CAND1: variants seen among roughly 807,000 people sequenced by gnomAD.
The protein encoded by CAND1 is cullin-associated NEDD8-dissociated protein 1.
A neutral mutation model predicts 108.5 loss-of-function variants in CAND1; 7 were observed. The observed-to-expected ratio is 0.06, with a 90% CI of 0.04 to 0.12. CAND1 has a LOEUF of 0.12. Among genes scored for constraint, CAND1 ranks in the 10% least tolerant of loss-of-function variants. CAND1 has a pLI of 1.00. For synonymous variants in CAND1, 534 were observed against 512.0 expected (o/e 1.04, Z -0.58); for missense variants, 941 against 1,448.7 (o/e 0.65, Z 5.69).
At position 67,310,028 on chromosome 12, in the gene CAND1, T is replaced by C; in HGVS notation, c.3153T>C (p.His1051=). The C allele has an allele frequency of 1.2e-6, 2 of 1,612,378 alleles. No individual in the cohort carries two copies. The part of the protein sequence containing the change: ...IRDLLDTVLP[H]LYNETKVRKE... ...ATCTATTGGATACTGTTCTTCCACA[T>C]CTTTACAATGAAACAAAAGTTAGAA... Residue 1051 remains histidine, a synonymous_variant, in exon 12 of 15, where the codon CAT becomes CAC. Transcript: ENST00000545606.
chr12:67,270,001 G>T, intron 1 of CAND1: 2 of 512,682 alleles, frequency 3.9e-6, no homozygotes, highest in Non-Finnish European at 6.8e-6. Context: ...CTAGGCAGTT[G>T]CCCGCCGCGG....
rs2045015338 is a variant in CAND1, at chr12:67,317,215, C to G, written c.*4385C>G. On this transcript the variant is annotated 3_prime_UTR_variant, in exon 15 of 15. Transcript: ENST00000545606. ...TACATAGCACGAACATGGTTTACTG[C>G]ACCTCAGCTTCCTGGGCACAAGTGA... 1 of 152,248 alleles carries G rather than the reference C, an allele frequency of 6.6e-6. No homozygotes were observed. Among genetic ancestry groups the G allele is most frequent in the African/African-American group, 2.4e-5 (1 of 41,418 alleles). 9.4% of individuals were successfully genotyped at this position (152,248 alleles called of 1,614,324 possible).
At chr12:67,289,166 C>G (rs1038590169) in intron 2 of CAND1, among the ~76,000 whole-genome samples, 1 of 151,456 alleles carries the variant, frequency 6.6e-6, no homozygotes, top group African/African-American at 2.4e-5. Context: ...TAATTTCTGC[C>G]CTTTATTTTT....
intron 5 of CAND1, 38 bp from the exon 6 acceptor site, chr12:67,297,710 T>C (rs2044783296): frequency 1.3e-6 from 2 of 1,579,292 alleles, no homozygotes; most frequent in Admixed American, 1.8e-5. Flanking sequence ...TTAAAAAAAT[T>C]AATGCATGTT....
chr12:67,280,512 A>G (rs1210976755), intron 1 of CAND1, among the ~76,000 whole-genome samples: 1 of 152,190 alleles, frequency 6.6e-6, no homozygotes, highest in African/African-American at 2.4e-5. Context: ...TATTTTTACT[A>G]AAACTGTATC....
chr12:67,294,315 C>G (rs999722633), intron 3 of CAND1, among the ~76,000 whole-genome samples: 1 of 152,040 alleles, frequency 6.6e-6, no homozygotes, highest in Non-Finnish European at 1.5e-5. Context: ...TTTATGAGTC[C>G]TGGAACGAGG....
At chr12:67,302,058 C>G (rs2044830221) in intron 7 of CAND1, among the ~76,000 whole-genome samples, 2 of 152,112 alleles carry the variant, frequency 1.3e-5, no homozygotes, top group Admixed American at 6.5e-5. Flanking sequence ...AAATAAGCAG[C>G]AGTTCATTAC....
At chr12:67,278,239 C>T (rs1484577467) in intron 1 of CAND1, among the ~76,000 whole-genome samples, 4 of 152,086 alleles carry the variant, frequency 2.6e-5, no homozygotes, top group Admixed American at 1.3e-4. Flanking sequence ...CGGCTTCAAG[C>T]GACTGCCGCC....
intron 2 of CAND1, among the ~76,000 whole-genome samples, chr12:67,284,711 C>CACACACACAT (rs2044652148): frequency 1.1e-5 from 1 of 95,052 alleles, no homozygotes. Context: ...CATGTACACA[C>CACACACACAT]ACACACACAC....
rs1392134820 is a variant in CAND1, at chr12:67,305,137, C to T, written c.1469C>T (p.Ser490Leu). ...IIFSLNDKSS[S>L]SNLKIDALSC... Reference sequence around the variant, plus strand: ...TTCTCACTGAATGATAAATCAAGCTCATCGAATTTGAAGATCGATGCTTTG... The same window carrying T: ...TTCTCACTGAATGATAAATCAAGCTTATCGAATTTGAAGATCGATGCTTTG... Residue 490 changes from serine to leucine, a missense_variant, in exon 10 of 15, where the codon TCA becomes TTA. By Grantham distance (145) the Ser-to-Leu change is moderately radical. Coordinates refer to ENST00000545606, the MANE Select transcript of CAND1 (RefSeq NM_018448.5). This position sits in a 1 kb window ranked among gnomAD's most constrained non-coding sequence, Gnocchi z 4.4. 1 of 1,611,302 alleles carries T rather than the reference C, an allele frequency of 6.2e-7. No homozygotes were observed. Among genetic ancestry groups the T allele is most frequent in the South Asian group, 1.1e-5 (1 of 90,336 alleles).
At position 67,309,889 on chromosome 12, in the gene CAND1, G is replaced by A. The variant is rs1167957085; in HGVS notation, c.3026-12G>A. Reference sequence around the variant, plus strand: ...ATCATGTCTGTCTGTTGCTTTTCTTGTAATATTTCAGGTGATTTCCTAAAA... The same window carrying A: ...ATCATGTCTGTCTGTTGCTTTTCTTATAATATTTCAGGTGATTTCCTAAAA... On this transcript the variant is annotated splice_polypyrimidine_tract_variant and intron_variant, in intron 11 of 14. Coordinates refer to ENST00000545606, the MANE Select transcript of CAND1 (RefSeq NM_018448.5). 2.7e-5 allele frequency: 43 copies of A among 1,578,004 alleles called. No homozygotes were observed. The highest frequency in any genetic ancestry group is 3.3e-5 in the Non-Finnish European group (38 of 1,160,324).
intron 2 of CAND1, among the ~76,000 whole-genome samples, chr12:67,288,136 ATT>A (rs535157799): frequency 7.3e-4 from 99 of 135,728 alleles, no homozygotes; most frequent in African/African-American, 1.1e-3. Flanking sequence ...TCTTTTCTGA[ATT>A]TTTTTTTTTT....
At chr12:67,282,997 T>A (rs1452082220) in intron 2 of CAND1, among the ~76,000 whole-genome samples, 1 of 152,206 alleles carries the variant, frequency 6.6e-6, no homozygotes, top group African/African-American at 2.4e-5. Flanking sequence ...AATGTCAACT[T>A]TTAGAAACCC....
intron 2 of CAND1, among the ~76,000 whole-genome samples, chr12:67,291,951 G>A (rs995703318): frequency 3.3e-5 from 5 of 152,086 alleles, no homozygotes; most frequent in East Asian, 1.9e-4. Context: ...TGCAACCTCC[G>A]CCTCCTGGGT....
intron 2 of CAND1, among the ~76,000 whole-genome samples, chr12:67,288,848 G>A (rs977351726): frequency 6.6e-6 from 1 of 152,214 alleles, no homozygotes; most frequent in African/African-American, 2.4e-5. Flanking sequence ...GGGCTGAGAC[G>A]TGGCTTAGTG....
chr12:67,291,826 T>C (rs1484223896), intron 2 of CAND1, among the ~76,000 whole-genome samples: 1 of 152,186 alleles, frequency 6.6e-6, no homozygotes, highest in Non-Finnish European at 1.5e-5. Flanking sequence ...ACTTCCATTG[T>C]AGAAAAAACT....
In CAND1 at chr12:67,312,696, C is replaced by T. The variant is rs140637003; in HGVS notation, c.3559C>T (p.Pro1187Ser). 2,812 of 1,613,646 alleles carry T rather than the reference C, an allele frequency of 1.7e-3. 6 individuals are homozygous for T. Among genetic ancestry groups the T allele is most frequent in the Non-Finnish European group, 2.1e-3 (2,533 of 1,179,684 alleles). ...AGCAGTAGCAGCACTGCTAACCATT[C>T]CAGAAGCAGAGAAGAGTCCACTGAT... is the stretch of plus-strand genomic sequence containing the variant. ...MRAVAALLTI[P>S]EAEKSPLMSE... Residue 1187 changes from proline (P) to serine (S), a missense_variant, in exon 15 of 15, where the codon CCA becomes TCA. Coordinates refer to ENST00000545606, the MANE Select transcript of CAND1 (RefSeq NM_018448.5).
chr12:67,297,691 T>C, intron 5 of CAND1, 28 bp downstream of exon 5: 1 of 1,591,506 alleles, frequency 6.3e-7, no homozygotes, highest in Non-Finnish European at 8.5e-7. Context: ...GTTTTACAGT[T>C]TTCTTTAATT....
At chr12:67,299,191 G>A (rs893645442) in intron 7 of CAND1, 96 bp downstream of exon 7, 2 of 1,176,042 alleles carry the variant, frequency 1.7e-6, no homozygotes, top group Non-Finnish European at 2.3e-6. Flanking sequence ...GTTTTATTTA[G>A]TTATAATAGT....
Sources: allele counts gnomAD v4.1 joint callset (sites outside exome capture counted in the v4.1 genomes callset), GRCh38; gene constraint gnomAD v4.1.1; non-coding constraint Gnocchi (gnomAD v3.1); transcripts MANE v1.5; gene names NCBI Gene and HGNC (gene_info 2026-07-23, HGNC 2026-07-21).